RASAL2: variants seen among roughly 807,000 people sequenced by gnomAD.
RASAL2 encodes ras GTPase-activating protein nGAP.
A neutral mutation model predicts 128.9 loss-of-function variants in RASAL2; 58 were observed. That is an observed-to-expected ratio of 0.45 (90% CI 0.36 to 0.56). RASAL2 has a LOEUF of 0.56. Among genes scored for constraint, RASAL2 ranks in the 20% least tolerant of loss-of-function variants. The pLI is 0.00. For missense variants in RASAL2, 1,360 were observed against 1,601.6 expected, an observed-to-expected ratio of 0.85 and a Z score of 2.57; for synonymous variants, 561 against 580.8, an observed-to-expected ratio of 0.97 and a Z score of 0.49.
At chr1:178,110,549 AGTG>A in intron 1 of RASAL2, among the ~76,000 whole-genome samples, 1 of 145,602 alleles carries the variant, frequency 6.9e-6, no homozygotes. Context: ...CTATATATAC[AGTG>A]TATATATAGT....
At chr1:178,193,709 TA>T (rs1662565093) in intron 1 of RASAL2, among the ~76,000 whole-genome samples, 1 of 152,158 alleles carries the variant, frequency 6.6e-6, no homozygotes, top group Admixed American at 6.6e-5. Context: ...TCCTTGTACC[TA>T]AACACTTAGA....
At chr1:178,220,688 T>C (rs1663584750) in intron 1 of RASAL2, among the ~76,000 whole-genome samples, 1 of 152,222 alleles carries the variant, frequency 6.6e-6, no homozygotes, top group African/African-American at 2.4e-5. Context: ...CCTTTTCAGA[T>C]TGGCTTCTTT....
At chr1:178,465,840 G>GAGAA (rs541100214) in intron 15 of RASAL2, 80 bp from the exon 16 acceptor site, 5 of 1,103,924 alleles carry the variant, frequency 4.5e-6, no homozygotes, top group South Asian at 2.0e-5. Flanking sequence ...AAGAAAGAAA[G>GAGAA]AGAAAGAAAG....
At chr1:178,207,895 A>G (rs1409445972) in intron 1 of RASAL2, among the ~76,000 whole-genome samples, 2 of 152,190 alleles carry the variant, frequency 1.3e-5, no homozygotes, top group Non-Finnish European at 2.9e-5. Context: ...TTTTAGTCAA[A>G]TCATGTTGCG....
chr1:178,412,820 G>A (rs1674484509), intron 4 of RASAL2, among the ~76,000 whole-genome samples: 1 of 152,022 alleles, frequency 6.6e-6, no homozygotes, highest in African/African-American at 2.4e-5. Context: ...TTAATGGGGA[G>A]GCCACAATTT....
At chr1:178,288,552 C>G (rs975021294) in intron 2 of RASAL2, among the ~76,000 whole-genome samples, 19 of 151,050 alleles carry the variant, frequency 1.3e-4, no homozygotes, top group Non-Finnish European at 2.5e-4. Context: ...GGATATATCA[C>G]TAGCAATTCT....
At chr1:178,157,218 A>ACCACT (rs1341455877) in intron 1 of RASAL2, among the ~76,000 whole-genome samples, 6 of 152,100 alleles carry the variant, frequency 3.9e-5, no homozygotes, top group Non-Finnish European at 5.9e-5. Flanking sequence ...TCTGCCCTAG[A>ACCACT]CCACTGACAG....
chr1:178,130,983 G>A (rs1242590455), intron 1 of RASAL2, among the ~76,000 whole-genome samples: 1 of 150,808 alleles, frequency 6.6e-6, no homozygotes, highest in Non-Finnish European at 1.5e-5. Flanking sequence ...GAACCCGGGA[G>A]GCGGAGCTTG....
chr1:178,191,982 C>T (rs908208737), intron 1 of RASAL2, among the ~76,000 whole-genome samples: 1 of 151,944 alleles, frequency 6.6e-6, no homozygotes, highest in African/African-American at 2.4e-5. Flanking sequence ...TAAAAATAAC[C>T]CTTGATAGAC....
chr1:178,445,081 C>CT, intron 8 of RASAL2, among the ~76,000 whole-genome samples: 1 of 149,876 alleles, frequency 6.7e-6, no homozygotes, highest in Non-Finnish European at 1.5e-5. Flanking sequence ...CAGGAATGAG[C>CT]TACCTGACAG....
intron 1 of RASAL2, among the ~76,000 whole-genome samples, chr1:178,176,127 T>G (rs1015249884): frequency 6.6e-6 from 1 of 152,170 alleles, no homozygotes; most frequent in Non-Finnish European, 1.5e-5. Flanking sequence ...TTAAGAAATC[T>G]CCATACTGTT....
At chr1:178,287,645 G>A (rs1557878515) in intron 2 of RASAL2, among the ~76,000 whole-genome samples, 3 of 152,128 alleles carry the variant, frequency 2.0e-5, no homozygotes, top group Non-Finnish European at 4.4e-5. Flanking sequence ...TGTATATACT[G>A]TGGAATACTA....
chr1:178,387,699 T>G (rs1672666360), intron 3 of RASAL2, among the ~76,000 whole-genome samples: 1 of 152,174 alleles, frequency 6.6e-6, no homozygotes, highest in Non-Finnish European at 1.5e-5. Flanking sequence ...ACAAAGGACA[T>G]GAACTCATCA....
chr1:178,392,696 T>C (rs1366454371), intron 4 of RASAL2, among the ~76,000 whole-genome samples: 1 of 152,128 alleles, frequency 6.6e-6, no homozygotes, highest in African/African-American at 2.4e-5. Flanking sequence ...TATCATTCAA[T>C]AGAAGGCCAG....
intron 3 of RASAL2, among the ~76,000 whole-genome samples, chr1:178,329,089 C>A (rs906076368): frequency 6.6e-6 from 1 of 152,122 alleles, no homozygotes; most frequent in Non-Finnish European, 1.5e-5. Context: ...CAAAAATAGC[C>A]GGCAGTACAG....
At chr1:178,105,709 G>A (rs1659063035) in intron 1 of RASAL2, among the ~76,000 whole-genome samples, 1 of 150,190 alleles carries the variant, frequency 6.7e-6, no homozygotes, top group African/African-American at 2.5e-5. Context: ...TTGAGACGGA[G>A]TCTTGTTCTG....
intron 1 of RASAL2, among the ~76,000 whole-genome samples, chr1:178,231,680 C>A (rs1035272177): frequency 3.3e-5 from 5 of 151,960 alleles, no homozygotes; most frequent in Non-Finnish European, 5.9e-5. Flanking sequence ...ACATTTAGGT[C>A]TTTTTTTCTC....
intron 1 of RASAL2, among the ~76,000 whole-genome samples, chr1:178,231,648 A>G (rs1664013564): frequency 1.3e-5 from 2 of 152,024 alleles, no homozygotes; most frequent in South Asian, 4.1e-4. Flanking sequence ...TTTTTTTTAC[A>G]AGCTTTATAA....
chr1:178,396,954 A>G (rs985836591), intron 4 of RASAL2, among the ~76,000 whole-genome samples: 26 of 152,172 alleles, frequency 1.7e-4, no homozygotes, highest in African/African-American at 6.3e-4. Context: ...CAAAACCACA[A>G]TGAAATACCA....
Sources: gnomAD v4.1 joint callset for allele counts (sites outside exome capture counted in the v4.1 genomes callset) on GRCh38, gnomAD v4.1.1 for gene constraint, MANE v1.5 for transcripts, NCBI Gene and HGNC (gene_info 2026-07-23, HGNC 2026-07-21) for gene names.